Variants in CCDC158 observed in about 807,000 individuals in gnomAD.
CCDC158 encodes coiled-coil domain containing 158.
A neutral mutation model predicts 138.6 loss-of-function variants in CCDC158; 116 were observed. The ratio of observed to expected loss-of-function variants is 0.84; its 90% CI spans 0.72 to 0.98. CCDC158 has a LOEUF of 0.98. CCDC158 is among the 50% of genes least tolerant of loss of function. The pLI, the probability that CCDC158 is intolerant of heterozygous loss-of-function variation, is 0.00. For missense variants in CCDC158, 1,265 were observed against 1,306.1 expected (o/e 0.97, Z 0.48); for synonymous variants, 436 against 442.4 (o/e 0.99, Z 0.18).
intron 24 of CCDC158, 114 bp downstream of exon 24, chr4:76,323,188 T>TAAATATAA: frequency 1.4e-6 from 1 of 696,548 alleles, no homozygotes; most frequent in South Asian, 2.2e-5. Flanking sequence ...GACTTCAGTT[T>TAAATATAA]ACAGTTGTTA....
intron 11 of CCDC158, 67 bp from the exon 12 acceptor site, chr4:76,367,843 C>A: frequency 7.1e-7 from 1 of 1,398,768 alleles, no homozygotes; most frequent in Non-Finnish European, 9.6e-7. Flanking sequence ...TCAAGAGATA[C>A]AAGTTAACTT....
At chr4:76,389,811 T>A (rs1727149649) in intron 4 of CCDC158, among the ~76,000 whole-genome samples, 1 of 152,106 alleles carries the variant, frequency 6.6e-6, no homozygotes, top group Non-Finnish European at 1.5e-5. Flanking sequence ...GCATGACATA[T>A]TTAAAGTGCT....
Position 76,367,399 on chromosome 4 carries a change from T to C in CCDC158, c.1725A>G (p.Thr575=), listed in dbSNP as rs1315185452. 6.2e-7 allele frequency: 1 copy of C among 1,614,156 alleles called. No homozygotes were observed. Among genetic ancestry groups the C allele is most frequent in the African/African-American group, 1.3e-5 (1 of 74,960 alleles). The change falls in exon 12 of 25, where the codon ACA becomes ACG. Residue 575 remains threonine, a synonymous_variant. Transcript: ENST00000682701. ...EILRQQIENM[T]QLVGQHGRTA... is the part of the protein sequence containing the mutation. ...TTCGTCCATGCTGGCCCACCAGCTG[T>C]GTCATGTTCTCAATCTGCTGTCGCA...
At chr4:76,336,164 A>G (rs1441411200) in intron 18 of CCDC158, among the ~76,000 whole-genome samples, 2 of 124,036 alleles carry the variant, frequency 1.6e-5, no homozygotes, top group Non-Finnish European at 3.2e-5. Flanking sequence ...CCTGGTGGAC[A>G]GAGTGAGACT....
At chr4:76,383,780 A>G in intron 6 of CCDC158, 42 bp from the exon 7 acceptor site, 1 of 1,387,052 alleles carries the variant, frequency 7.2e-7, no homozygotes. Context: ...ACTGGTAAAT[A>G]TAAGGCTTGG....
intron 21 of CCDC158, among the ~76,000 whole-genome samples, chr4:76,330,429 T>C (rs1434340087): frequency 6.6e-6 from 1 of 152,214 alleles, no homozygotes; most frequent in Non-Finnish European, 1.5e-5. Context: ...CATATGCAGT[T>C]GATAGTTGTG....
intron 18 of CCDC158, chr4:76,345,099 G>T (rs6837164): frequency 2.4e-6 from 3 of 1,241,808 alleles, no homozygotes; most frequent in Non-Finnish European, 3.6e-6. Flanking sequence ...AATTGTTGCC[G>T]ATGTCTATAT....
At chr4:76,325,755 A>T (rs1051628999) in intron 23 of CCDC158, 102 bp downstream of exon 23, 6 of 947,626 alleles carry the variant, frequency 6.3e-6, no homozygotes, top group Non-Finnish European at 9.5e-6. Context: ...GAGCTTACAC[A>T]TAAGAGCAGC....
chr4:76,408,179 T>C, intron 2 of CCDC158, among the ~76,000 whole-genome samples: 1 of 148,018 alleles, frequency 6.8e-6, no homozygotes, highest in Admixed American at 6.7e-5. Flanking sequence ...TACATATATG[T>C]ATATATATAT....
chr4:76,421,155 A>G (rs1387558975), upstream of CCDC158, among the ~76,000 whole-genome samples: 1 of 150,402 alleles, frequency 6.6e-6, no homozygotes, highest in African/African-American at 2.5e-5. Flanking sequence ...CGCGCCCGTC[A>G]CTCCTCGCGG....
intron 1 of CCDC158, among the ~76,000 whole-genome samples, chr4:76,414,740 C>G (rs770098942): frequency 6.6e-6 from 1 of 152,212 alleles, no homozygotes. Flanking sequence ...TCTTCATTTT[C>G]TCTTGCTGCT....
intron 7 of CCDC158, among the ~76,000 whole-genome samples, chr4:76,382,932 T>A (rs1726414677): frequency 4.6e-5 from 7 of 152,238 alleles, no homozygotes; most frequent in Admixed American, 3.9e-4. Context: ...TCAGAATTTT[T>A]TTTTATTTTA....
intron 2 of CCDC158, among the ~76,000 whole-genome samples, chr4:76,408,885 G>A (rs924549329): frequency 6.6e-6 from 1 of 152,162 alleles, no homozygotes; most frequent in Non-Finnish European, 1.5e-5. Context: ...CATTCTAACT[G>A]GTGTGAGATG....
intron 2 of CCDC158, among the ~76,000 whole-genome samples, chr4:76,405,249 G>A (rs1002884461): frequency 6.6e-6 from 1 of 152,164 alleles, no homozygotes; most frequent in African/African-American, 2.4e-5. Flanking sequence ...GTACTTTCAA[G>A]AAGGGAAAGA....
intron 2 of CCDC158, among the ~76,000 whole-genome samples, chr4:76,409,554 G>A (rs907874084): frequency 2.0e-5 from 3 of 152,118 alleles, no homozygotes; most frequent in Non-Finnish European, 2.9e-5. Flanking sequence ...TATCTAGGCC[G>A]GGAGCAGTGG....
chr4:76,380,558 T>C (rs1353007176), intron 8 of CCDC158, among the ~76,000 whole-genome samples: 4 of 152,222 alleles, frequency 2.6e-5, no homozygotes, highest in Admixed American at 2.0e-4. Flanking sequence ...CAGTCATATA[T>C]ATTTACAAAG....
At chr4:76,412,793 G>A (rs1729393945) in intron 1 of CCDC158, among the ~76,000 whole-genome samples, 1 of 152,068 alleles carries the variant, frequency 6.6e-6, no homozygotes, top group Admixed American at 6.6e-5. Flanking sequence ...TCTAAATCAT[G>A]TTTTTACAAC....
At chr4:76,344,482 G>T in intron 18 of CCDC158, 1 of 739,574 alleles carries the variant, frequency 1.4e-6, no homozygotes, top group Non-Finnish European at 2.5e-6. Flanking sequence ...GTGGGCAGGA[G>T]CTCAAGAGCT....
intron 21 of CCDC158, among the ~76,000 whole-genome samples, chr4:76,330,054 G>A (rs1720884008): frequency 6.6e-6 from 1 of 152,102 alleles, no homozygotes; most frequent in Non-Finnish European, 1.5e-5. Context: ...TACTTTCATT[G>A]CTGAAGGAAG....
Sources: gnomAD v4.1 joint callset for allele counts (sites outside exome capture counted in the v4.1 genomes callset) on GRCh38, gnomAD v4.1.1 for gene constraint, MANE v1.5 for transcripts, NCBI Gene and HGNC (gene_info 2026-07-23, HGNC 2026-07-21) for gene names.